Variants in PCDH15 observed in about 807,000 individuals in gnomAD.
PCDH15 encodes protocadherin related 15.
Under a neutral mutation model 178.5 loss-of-function variants are expected in PCDH15, and 129 were observed. The ratio of observed to expected loss-of-function variants is 0.72; its 90% CI spans 0.63 to 0.84. The LOEUF (loss-of-function observed/expected upper bound fraction) is 0.84. Among genes scored for constraint, PCDH15 ranks in the 40% least tolerant of loss-of-function variants. PCDH15 has a pLI of 0.00. For missense variants in PCDH15, 2,230 were observed against 2,099.9 expected (o/e 1.06, Z -1.21); for synonymous variants, 800 against 732.0 (o/e 1.09, Z -1.50).
intron 2 of PCDH15, among the ~76,000 whole-genome samples, chr10:54,966,617 T>C (rs1381065630): frequency 6.6e-6 from 1 of 152,090 alleles, no homozygotes; most frequent in Non-Finnish European, 1.5e-5. Flanking sequence ...TTCCCACTTG[T>C]TGTGGGAGAG....
chr10:53,861,341 G>A (rs993147246), intron 27 of PCDH15, among the ~76,000 whole-genome samples: 1 of 152,048 alleles, frequency 6.6e-6, no homozygotes, highest in Non-Finnish European at 1.5e-5. Context: ...TCATCATTGA[G>A]ATTGATATTT....
intron 1 of PCDH15, among the ~76,000 whole-genome samples, chr10:54,745,670 C>T (rs1354565930): frequency 6.6e-6 from 1 of 152,000 alleles, no homozygotes; most frequent in Non-Finnish European, 1.5e-5. Context: ...TCAGTTAATA[C>T]TGGATTTATT....
At chr10:53,869,742 A>T (rs1299344538) in intron 26 of PCDH15, among the ~76,000 whole-genome samples, 1 of 152,064 alleles carries the variant, frequency 6.6e-6, no homozygotes, top group Non-Finnish European at 1.5e-5. Flanking sequence ...AGGAGCTTGA[A>T]ACCAGCCTGC....
At chr10:54,046,876 C>G (rs1283466540) in intron 18 of PCDH15, among the ~76,000 whole-genome samples, 1 of 108,804 alleles carries the variant, frequency 9.2e-6, no homozygotes, top group Non-Finnish European at 1.9e-5. Flanking sequence ...GGAATTCTTT[C>G]TGTAAAACCA....
chr10:54,276,002 A>G (rs1177266566), intron 8 of PCDH15, among the ~76,000 whole-genome samples: 1 of 151,822 alleles, frequency 6.6e-6, no homozygotes, highest in Admixed American at 6.6e-5. Context: ...AATCAATTCC[A>G]GGTGGACTTA....
intron 35 of PCDH15, among the ~76,000 whole-genome samples, chr10:53,814,449 A>G (rs2075987808): frequency 6.6e-6 from 1 of 152,210 alleles, no homozygotes; most frequent in Non-Finnish European, 1.5e-5. Flanking sequence ...TACAATGCAT[A>G]TGGCATCAAT....
chr10:53,994,281 C>G (rs2091708616), intron 21 of PCDH15, among the ~76,000 whole-genome samples: 1 of 152,126 alleles, frequency 6.6e-6, no homozygotes, highest in South Asian at 2.1e-4. Flanking sequence ...CTTTTAATCT[C>G]TCATCATTAA....
chr10:54,454,240 C>T (rs1176143642), intron 3 of PCDH15, among the ~76,000 whole-genome samples: 4 of 148,894 alleles, frequency 2.7e-5, no homozygotes, highest in African/African-American at 7.3e-5. Context: ...AAGGCAAATA[C>T]ACAATGACCA....
intron 16 of PCDH15, among the ~76,000 whole-genome samples, chr10:54,085,551 G>T (rs1297656061): frequency 1.3e-5 from 2 of 152,062 alleles, no homozygotes; most frequent in Non-Finnish European, 2.9e-5. Context: ...TAAATCATAT[G>T]CCACTATCAA....
chr10:55,458,277 A>G (rs1441346762), intron 2 of PCDH15, among the ~76,000 whole-genome samples: 2 of 152,056 alleles, frequency 1.3e-5, no homozygotes, highest in South Asian at 2.1e-4. Context: ...CAAGAACTCA[A>G]TAAAGCCATA....
intron 2 of PCDH15, among the ~76,000 whole-genome samples, chr10:55,122,149 G>A (rs1014695891): frequency 2.6e-5 from 4 of 152,126 alleles, no homozygotes; most frequent in African/African-American, 9.7e-5. Flanking sequence ...TTAAGTATTA[G>A]ACTCTGTTTA....
At chr10:55,165,324 A>G (rs1591957618) in intron 2 of PCDH15, among the ~76,000 whole-genome samples, 1 of 152,024 alleles carries the variant, frequency 6.6e-6, no homozygotes, top group African/African-American at 2.4e-5. Flanking sequence ...GTTGAAAAAT[A>G]TAAAGCCTAA....
intron 8 of PCDH15, among the ~76,000 whole-genome samples, chr10:54,239,505 A>C (rs2055014937): frequency 1.3e-5 from 2 of 151,776 alleles, no homozygotes; most frequent in African/African-American, 4.8e-5. Flanking sequence ...GAAGATGAAA[A>C]ACTGTGAGTA....
chr10:54,118,236 C>T (rs986224818), intron 15 of PCDH15, among the ~76,000 whole-genome samples: 3 of 152,108 alleles, frequency 2.0e-5, no homozygotes, highest in Non-Finnish European at 4.4e-5. Context: ...TAAATAAAGC[C>T]ACACATCTGC....
intron 2 of PCDH15, among the ~76,000 whole-genome samples, chr10:55,097,323 T>C (rs1353417785): frequency 6.6e-6 from 1 of 152,104 alleles, no homozygotes; most frequent in Non-Finnish European, 1.5e-5. Context: ...GATGATAAAT[T>C]AAAGCTTAAG....
intron 2 of PCDH15, among the ~76,000 whole-genome samples, chr10:55,389,317 C>T (rs1175832008): frequency 6.6e-6 from 1 of 151,890 alleles, no homozygotes; most frequent in Non-Finnish European, 1.5e-5. Flanking sequence ...TTAGACAAGC[C>T]AGTGAACACT....
In PCDH15 at chr10:54,311,587, C is replaced by T. The variant is rs74734281; in HGVS notation, c.876+5684G>A. Among the ~76,000 whole-genome samples, 967 of 152,040 alleles carry T rather than the reference C, an allele frequency of 6.4e-3. 8 individuals are homozygous for T. Among genetic ancestry groups the T allele is most frequent in the African/African-American group, 0.022 (904 of 41,516 alleles). On this transcript the variant is annotated intron_variant, in intron 8 of 37. Coordinates refer to ENST00000644397, the MANE Select transcript of PCDH15 (RefSeq NM_001384140.1). ...GCAATAATTTATTTCATCCTACTTG[C>T]CTAGCATCCTCAACGTAGTTTGGCA...
chr10:54,136,432 T>C (rs954158483), intron 14 of PCDH15, among the ~76,000 whole-genome samples: 1 of 151,328 alleles, frequency 6.6e-6, no homozygotes, highest in African/African-American at 2.4e-5. Context: ...ATATCTGTAC[T>C]GCAGATTCGA....
chr10:54,665,394 A>G (rs2094555601), intron 1 of PCDH15, among the ~76,000 whole-genome samples: 1 of 152,042 alleles, frequency 6.6e-6, no homozygotes, highest in South Asian at 2.1e-4. Context: ...TGCTTCTAGC[A>G]GGTAATATTG....
Sources: gnomAD v4.1 joint callset for allele counts (sites outside exome capture counted in the v4.1 genomes callset) on GRCh38, gnomAD v4.1.1 for gene constraint, MANE v1.5 for transcripts, NCBI Gene and HGNC (gene_info 2026-07-23, HGNC 2026-07-21) for gene names.